MEG3: variants seen among roughly 807,000 people sequenced by gnomAD.
MEG3 encodes the protein Very putative protein from MEG3 locus.
chr14:100,840,714 A>G (rs2037728908), intron 2 of MEG3, among the ~76,000 whole-genome samples: 1 of 152,206 alleles, frequency 6.6e-6, no homozygotes, highest in Admixed American at 6.5e-5. Flanking sequence ...AAAGTTTCTT[A>G]GCAAAGGGGA....
chr14:100,831,055 G>A (rs1032506531), downstream of MEG3: 5 of 152,884 alleles, frequency 3.3e-5, no homozygotes, highest in Admixed American at 3.3e-4. Context: ...AGGCCCCAGT[G>A]AGATTCGAGT....
intron 2 of MEG3, chr14:100,836,347 T>C (rs1442525335): frequency 2.2e-6 from 1 of 452,466 alleles, no homozygotes; most frequent in Non-Finnish European, 4.4e-6. Context: ...TAGGGTCAGC[T>C]CATGTCTCTC....
intron 1 of MEG3, chr14:100,835,961 C>T (rs1398407525): frequency 9.0e-6 from 3 of 331,960 alleles, no homozygotes; most frequent in Non-Finnish European, 1.7e-5. Context: ...CCTTGCTCCC[C>T]ACTCAGTTCT....
chr14:100,836,386 T>C (rs2037581234), intron 2 of MEG3: 4 of 435,756 alleles, frequency 9.2e-6, no homozygotes, highest in Non-Finnish European at 1.8e-5. Flanking sequence ...TGTCAACATT[T>C]AATTTGGGGA....
intron 2 of MEG3, among the ~76,000 whole-genome samples, chr14:100,844,890 C>T (rs768484982): frequency 6.6e-6 from 1 of 152,216 alleles, no homozygotes; most frequent in Non-Finnish European, 1.5e-5. Context: ...TGTGCCTGGC[C>T]ATGGTGCTTC....
intron 3 of MEG3, chr14:100,848,741 G>A (rs750841292): frequency 2.0e-5 from 3 of 152,194 alleles, no homozygotes; most frequent in Non-Finnish European, 4.4e-5. Flanking sequence ...GACCACAAGT[G>A]TAAGACTGAA....
At chr14:100,835,910 C>A in intron 1 of MEG3, 1 of 295,414 alleles carries the variant, frequency 3.4e-6, no homozygotes. Flanking sequence ...CCTTTGCCTC[C>A]GCCGTGGCCC....
At chr14:100,836,103 G>A (rs2037567297) in intron 1 of MEG3, 3 of 407,148 alleles carry the variant, frequency 7.4e-6, no homozygotes, top group South Asian at 1.8e-5. Context: ...GTCTTTCTTC[G>A]GTGTGTTTGG....
intron 1 of MEG3, among the ~76,000 whole-genome samples, chr14:100,827,158 T>C (rs890141731): frequency 1.3e-5 from 2 of 152,086 alleles, no homozygotes; most frequent in Non-Finnish European, 2.9e-5. Flanking sequence ...TCTTGGACTT[T>C]TGGTCAAATC....
downstream of MEG3, chr14:100,833,625 C>T (rs1429072976): frequency 6.6e-6 from 1 of 152,310 alleles, no homozygotes; most frequent in East Asian, 1.9e-4. Flanking sequence ...CTGAACCCTC[C>T]TCCTCTTTTT....
At chr14:100,836,398 G>A (rs2037581741) in intron 2 of MEG3, 2 of 434,190 alleles carry the variant, frequency 4.6e-6, no homozygotes, top group South Asian at 3.3e-5. Context: ...ATTTGGGGAG[G>A]AGGCACCCTG....
chr14:100,834,421 C>A (rs1344097002), exon 1 of MEG3: 22 of 277,982 alleles, frequency 7.9e-5, no homozygotes, highest in Non-Finnish European at 1.4e-5. Context: ...CTCCTGGAGC[C>A]CTAAAAACTT....
At chr14:100,841,577 G>A (rs986921553) in intron 2 of MEG3, among the ~76,000 whole-genome samples, 7 of 152,320 alleles carry the variant, frequency 4.6e-5, no homozygotes, top group South Asian at 2.1e-4. Context: ...ACGGTGAGCC[G>A]GCAGCAGGCC....
At chr14:100,838,061 A>G (rs529187737) in intron 2 of MEG3, among the ~76,000 whole-genome samples, 1 of 152,284 alleles carries the variant, frequency 6.6e-6, no homozygotes, top group East Asian at 1.9e-4. Flanking sequence ...AGGTTTGCAC[A>G]GGGGCAGGCT....
chr14:100,838,440 T>C (rs2037653009), intron 2 of MEG3, among the ~76,000 whole-genome samples: 2 of 152,224 alleles, frequency 1.3e-5, no homozygotes, highest in African/African-American at 4.8e-5. Flanking sequence ...GAAACGTGAC[T>C]TACTACGTCA....
chr14:100,840,100 C>A (rs1256745163), intron 2 of MEG3, among the ~76,000 whole-genome samples: 4 of 152,198 alleles, frequency 2.6e-5, no homozygotes, highest in Non-Finnish European at 5.9e-5. Flanking sequence ...GGCCTCCCAA[C>A]ATGAGGGACT....
exon 1 of MEG3, chr14:100,859,019 G>A (rs545853400): frequency 1.3e-5 from 2 of 152,276 alleles, no homozygotes; most frequent in Admixed American, 6.5e-5. Context: ...GAGGACGGGT[G>A]GGGAGACAGG....
downstream of MEG3, chr14:100,830,676 A>G (rs1207254931): frequency 6.6e-6 from 1 of 152,252 alleles, no homozygotes; most frequent in Non-Finnish European, 1.5e-5. Flanking sequence ...TATCTGATAC[A>G]AAGATAATGA....
chr14:100,852,823 G>A (rs186053664), upstream of MEG3: 7 of 200,884 alleles, frequency 3.5e-5, no homozygotes, highest in Admixed American at 3.7e-4. Context: ...AACATCTAGG[G>A]GCTGTCCTGA....
Sources: gnomAD v4.1 joint callset for allele counts (sites outside exome capture counted in the v4.1 genomes callset) on GRCh38, gnomAD v4.1.1 for gene constraint, MANE v1.5 for transcripts, NCBI Gene and HGNC (gene_info 2026-07-23, HGNC 2026-07-21) for gene names.